Variants in GSTA1 observed in about 807,000 individuals in gnomAD.
GSTA1 encodes the protein glutathione S-transferase A1.
GSTA1 carries 23 observed loss-of-function variants against 21.5 expected under a neutral mutation model. That is an observed-to-expected ratio of 1.07 (90% CI 0.77 to 1.52). The LOEUF (loss-of-function observed/expected upper bound fraction) is 1.52, where lower values mean the gene tolerates loss of function less well. Ranked by LOEUF, GSTA1 falls within the 40% of genes most tolerant of loss-of-function variation. GSTA1 has a pLI of 0.00. For missense variants in GSTA1, 301 were observed against 264.2 expected, an observed-to-expected ratio of 1.14 and a Z score of -0.96; for synonymous variants, 125 against 90.0, an observed-to-expected ratio of 1.39 and a Z score of -2.20.
rs1763455928 is a variant in GSTA1, at chr6:52,791,572, C to G, written c.*286G>C. ...GTTACGGGACAATTCTTGGAAAAGT[C>G]AAACAAACCACATAATCTATAGTTT... On this transcript the variant is annotated 3_prime_UTR_variant, in exon 7 of 7. Coordinates refer to ENST00000334575, the MANE Select transcript of GSTA1 (RefSeq NM_145740.5). 3.1e-6 allele frequency: 1 copy of G among 326,380 alleles called. No individual in the cohort carries two copies. The highest frequency in any genetic ancestry group is 4.7e-5 in the Admixed American group (1 of 21,214). 20.2% of individuals were successfully genotyped at this position (326,380 alleles called of 1,614,324 possible).
At chr6:52,803,631 A>G (rs748704780) in intron 1 of GSTA1, among the ~76,000 whole-genome samples, 154 bp downstream of exon 1, 3 of 152,198 alleles carry the variant, frequency 2.0e-5, no homozygotes, top group South Asian at 4.1e-4. Flanking sequence ...GAAATAAACA[A>G]TTCTTGAACT....
Position 52,795,203 on chromosome 6 carries a change from A to G in GSTA1, c.273-937T>C, listed in dbSNP as rs555549766. 2.8e-4 allele frequency among the ~76,000 whole-genome samples: 42 copies of G among 152,274 alleles called. No individual in the cohort carries two copies. The South Asian group carries it at 8.3e-3, about 30-fold the overall frequency. Reference sequence around the variant, plus strand: ...ATTTGACTATCTGGACATTTCATACAAAAAGAATCCTATAATATGTGGCCT... The same window carrying G: ...ATTTGACTATCTGGACATTTCATACGAAAAGAATCCTATAATATGTGGCCT... On this transcript the variant is annotated intron_variant, in intron 4 of 6. Transcript: ENST00000334575.
intron 2 of GSTA1, among the ~76,000 whole-genome samples, chr6:52,798,574 A>G (rs529887508): frequency 1.8e-5 from 2 of 108,168 alleles, no homozygotes; most frequent in Admixed American, 2.2e-4. Flanking sequence ...AATATTATGC[A>G]TTTTTATTTT....
At chr6:52,793,980 TA>T (rs1299897800) in intron 5 of GSTA1, 144 bp downstream of exon 5, 16 of 971,454 alleles carry the variant, frequency 1.6e-5, no homozygotes, top group Non-Finnish European at 2.5e-5. Context: ...TCTATTTTCA[TA>T]AAATGCCTTG....
chr6:52,793,695 G>T (rs774056607), intron 5 of GSTA1, among the ~76,000 whole-genome samples: 1 of 152,060 alleles, frequency 6.6e-6, no homozygotes, highest in African/African-American at 2.4e-5. Flanking sequence ...TCCCTGAAAC[G>T]CTACAGTATT....
intron 6 of GSTA1, among the ~76,000 whole-genome samples, chr6:52,792,213 T>G (rs1320814708): frequency 6.6e-6 from 1 of 152,202 alleles, no homozygotes; most frequent in Non-Finnish European, 1.5e-5. Context: ...GTCATCTCTA[T>G]CTTTCTCCTT....
At chr6:52,797,715 G>A in intron 2 of GSTA1, 78 bp from the exon 3 acceptor site, 2 of 1,212,652 alleles carry the variant, frequency 1.6e-6, no homozygotes, top group East Asian at 4.8e-5. Context: ...CCCATCTGGT[G>A]CATCATTTGG....
chr6:52,795,784 G>A (rs183549472), intron 4 of GSTA1, among the ~76,000 whole-genome samples: 101 of 152,190 alleles, frequency 6.6e-4, no homozygotes, highest in East Asian at 4.3e-3. Flanking sequence ...TAGCTTTGGC[G>A]TCTTTGCAAC....
intron 1 of GSTA1, among the ~76,000 whole-genome samples, chr6:52,802,800 T>C (rs1415202212): frequency 6.6e-6 from 1 of 152,204 alleles, no homozygotes; most frequent in African/African-American, 2.4e-5. Flanking sequence ...AGGAATAAGA[T>C]TTTATATGAA....
intron 6 of GSTA1, 88 bp from the exon 7 acceptor site, chr6:52,792,068 A>G (rs1763472780): frequency 1.3e-6 from 2 of 1,575,080 alleles, no homozygotes; most frequent in Admixed American, 1.8e-5. Flanking sequence ...CCCTCCTGCA[A>G]AGACCAAGTG....
intron 3 of GSTA1, among the ~76,000 whole-genome samples, 175 bp from the exon 4 acceptor site, chr6:52,796,489 ATG>A (rs1303717345): frequency 5.4e-4 from 7 of 13,082 alleles, no homozygotes; most frequent in African/African-American, 3.1e-3. Flanking sequence ...ATATATATAT[ATG>A]TGTGTGTGTG....
chr6:52,793,413 C>T (rs138654612), intron 5 of GSTA1, among the ~76,000 whole-genome samples: 465 of 152,230 alleles, frequency 3.1e-3, no homozygotes, highest in African/African-American at 9.9e-3. Flanking sequence ...CAACACTCTT[C>T]CCCAGGAGGA....
intron 1 of GSTA1, among the ~76,000 whole-genome samples, chr6:52,799,915 C>G (rs1426012834): frequency 3.9e-5 from 6 of 152,208 alleles, no homozygotes; most frequent in Admixed American, 3.3e-4. Flanking sequence ...CTAAGTCACT[C>G]TTCACCTCTT....
Position 52,796,359 on chromosome 6 carries a change from C to T in GSTA1, c.140-45G>A. The T allele has an allele frequency of 1.9e-6, 3 of 1,612,066 alleles. No individual in the cohort carries two copies. In the South Asian group the frequency reaches 3.3e-5, roughly 18 times the overall value. On this transcript the variant is annotated intron_variant, in intron 3 of 6. Coordinates refer to ENST00000334575, the MANE Select transcript of GSTA1 (RefSeq NM_145740.5). Reference sequence around the variant, plus strand: ...AAGGAGAGTGAAGTGTCTATGAAACCCACCCTTTTGGGATGAACAAATGGT... The same window carrying T: ...AAGGAGAGTGAAGTGTCTATGAAACTCACCCTTTTGGGATGAACAAATGGT...
intron 5 of GSTA1, among the ~76,000 whole-genome samples, chr6:52,793,307 G>A (rs1763502714): frequency 1.3e-5 from 2 of 152,076 alleles, no homozygotes; most frequent in Non-Finnish European, 2.9e-5. Context: ...GTCTGCCCCA[G>A]GCCCTACAGC....
At chr6:52,802,017 A>G (rs1763729281) in intron 1 of GSTA1, among the ~76,000 whole-genome samples, 2 of 152,138 alleles carry the variant, frequency 1.3e-5, no homozygotes, top group Admixed American at 6.6e-5. Context: ...TAGCCAAATA[A>G]ATGTTGGAAG....
chr6:52,792,277 T>C (rs1194939118), intron 6 of GSTA1, among the ~76,000 whole-genome samples: 1 of 152,186 alleles, frequency 6.6e-6, no homozygotes, highest in Non-Finnish European at 1.5e-5. Context: ...AAAAATAATG[T>C]GCCTGTGAGA....
At chr6:52,797,400 T>C (rs1763616041) in intron 3 of GSTA1, among the ~76,000 whole-genome samples, 186 bp downstream of exon 3, 1 of 152,138 alleles carries the variant, frequency 6.6e-6, no homozygotes, top group Admixed American at 6.6e-5. Context: ...GGTCTGGTCC[T>C]TTTAACCTGG....
At chr6:52,797,714 T>G in intron 2 of GSTA1, 77 bp from the exon 3 acceptor site, 4 of 1,225,580 alleles carry the variant, frequency 3.3e-6, no homozygotes, top group Non-Finnish European at 4.8e-6. Context: ...CCCCATCTGG[T>G]GCATCATTTG....
Sources: allele counts gnomAD v4.1 joint callset (sites outside exome capture counted in the v4.1 genomes callset), GRCh38; gene constraint gnomAD v4.1.1; transcripts MANE v1.5; gene names NCBI Gene and HGNC (gene_info 2026-07-23, HGNC 2026-07-21).